Variants in PDE1C observed in about 807,000 individuals in gnomAD.
The protein encoded by PDE1C is dual specificity calcium/calmodulin-dependent 3',5'-cyclic nucleotide phosphodiesterase 1C.
In PDE1C, 62 loss-of-function variants were observed where a neutral mutation model predicts 93.1. The observed-to-expected ratio is 0.67, with a 90% CI of 0.54 to 0.82. PDE1C has a LOEUF of 0.82. Among genes scored for constraint, PDE1C ranks in the 40% least tolerant of loss-of-function variants. PDE1C has a pLI of 0.00. For synonymous variants in PDE1C, 325 were observed against 310.1 expected, an observed-to-expected ratio of 1.05 and a Z score of -0.50; for missense variants, 742 against 884.6, an observed-to-expected ratio of 0.84 and a Z score of 2.04.
intron 16 of PDE1C, among the ~76,000 whole-genome samples, chr7:31,793,048 T>G (rs1784766992): frequency 6.6e-6 from 1 of 152,064 alleles, no homozygotes; most frequent in South Asian, 2.1e-4. Flanking sequence ...AGAAATGTAT[T>G]TACTCTATAG....
the PDE1C span, among the ~76,000 whole-genome samples, chr7:31,634,265 T>C: frequency 6.6e-6 from 1 of 152,338 alleles, no homozygotes; most frequent in Non-Finnish European, 1.5e-5. Flanking sequence ...CTGAAAATGG[T>C]AATTTCTAAT....
intron 7 of PDE1C, among the ~76,000 whole-genome samples, chr7:31,854,800 C>T (rs1358948313): frequency 6.6e-6 from 1 of 152,124 alleles, no homozygotes; most frequent in Non-Finnish European, 1.5e-5. Flanking sequence ...GGCGAGGTGC[C>T]TCATGCTTAT....
intron 7 of PDE1C, among the ~76,000 whole-genome samples, chr7:31,852,971 G>A (rs1359788712): frequency 2.2e-5 from 3 of 135,088 alleles, no homozygotes; most frequent in Non-Finnish European, 4.6e-5. Flanking sequence ...CTAAGGTCAC[G>A]TAAAGTTAAT....
chr7:31,966,215 T>C (rs1809931385), intron 2 of PDE1C, among the ~76,000 whole-genome samples: 1 of 151,978 alleles, frequency 6.6e-6, no homozygotes, highest in African/African-American at 2.4e-5. Context: ...AGGAAACCCA[T>C]CTCACGTGCA....
intron 2 of PDE1C, among the ~76,000 whole-genome samples, chr7:31,933,850 C>G (rs1804666290): frequency 2.0e-5 from 3 of 152,184 alleles, no homozygotes; most frequent in Admixed American, 6.5e-5. Flanking sequence ...TGAGGCTTCA[C>G]CAGAAGCTAT....
chr7:31,683,453 G>T, the PDE1C span, among the ~76,000 whole-genome samples: 40 of 151,582 alleles, frequency 2.6e-4, no homozygotes, highest in South Asian at 8.4e-4. Flanking sequence ...GATAATAAAT[G>T]ACATCAGATT....
At chr7:31,681,420 T>C in the PDE1C span, among the ~76,000 whole-genome samples, 1 of 151,694 alleles carries the variant, frequency 6.6e-6, no homozygotes, top group African/African-American at 2.4e-5. Context: ...TGGATGAATA[T>C]GCTATTATTT....
chr7:31,875,791 A>G (rs1293310948), intron 5 of PDE1C, among the ~76,000 whole-genome samples: 2 of 88,804 alleles, frequency 2.3e-5, no homozygotes, highest in Admixed American at 2.6e-4. Context: ...AGAAGCTTAC[A>G]TCTATATATA....
At chr7:32,004,244 CA>C (rs1308884820) in intron 2 of PDE1C, among the ~76,000 whole-genome samples, 1 of 139,398 alleles carries the variant, frequency 7.2e-6, no homozygotes, top group African/African-American at 2.8e-5. Context: ...AAATGGCCCC[CA>C]AAAAACCTGA....
chr7:32,077,974 C>A, intron 3 of PDE1C: 1 of 985,388 alleles, frequency 1.0e-6, no homozygotes, highest in Non-Finnish European at 1.2e-6. Context: ...ACAGTGCAGG[C>A]CTCCTGACTT....
chr7:32,410,691 G>A (rs1473608540), intron 1 of PDE1C, among the ~76,000 whole-genome samples: 1 of 152,032 alleles, frequency 6.6e-6, no homozygotes, highest in East Asian at 1.9e-4. Context: ...AGAGAAGAGA[G>A]AGCTGAGAGC....
chr7:32,128,568 T>C (rs539667127), intron 3 of PDE1C, among the ~76,000 whole-genome samples: 64 of 152,054 alleles, frequency 4.2e-4, no homozygotes, highest in African/African-American at 1.5e-3. Context: ...TATTCAGTTA[T>C]AAAATGTAAA....
chr7:31,703,858 C>CTGCGA, the PDE1C span, among the ~76,000 whole-genome samples: 7 of 152,342 alleles, frequency 4.6e-5, no homozygotes, highest in South Asian at 1.4e-3. Context: ...CAGGTTCCAA[C>CTGCGA]TGCGAGCACA....
chr7:31,942,189 C>T (rs912684098), intron 2 of PDE1C, among the ~76,000 whole-genome samples: 4 of 152,058 alleles, frequency 2.6e-5, no homozygotes, highest in Non-Finnish European at 4.4e-5. Flanking sequence ...CCATAAGTTC[C>T]GGAGTTTGTG....
chr7:31,922,912 G>A (rs74714656), intron 2 of PDE1C, among the ~76,000 whole-genome samples: 3 of 152,132 alleles, frequency 2.0e-5, no homozygotes, highest in African/African-American at 7.2e-5. Context: ...TTGGGAAAGT[G>A]GATCTCCTCT....
At chr7:32,225,902 A>G (rs1807225020) in intron 1 of PDE1C, among the ~76,000 whole-genome samples, 1 of 152,066 alleles carries the variant, frequency 6.6e-6, no homozygotes, top group Non-Finnish European at 1.5e-5. Context: ...TACTAAAAAT[A>G]CAAAAATTAG....
At chr7:31,821,590 G>A (rs553812079) in intron 14 of PDE1C, among the ~76,000 whole-genome samples, 8 of 152,164 alleles carry the variant, frequency 5.3e-5, no homozygotes, top group South Asian at 4.2e-4. Context: ...CATTTGAATG[G>A]ACTAGGAGAG....
At chr7:32,090,795 G>T (rs773577049) in intron 3 of PDE1C, among the ~76,000 whole-genome samples, 12 of 152,136 alleles carry the variant, frequency 7.9e-5, no homozygotes, top group Non-Finnish European at 1.3e-4. Context: ...GACCCTCCTG[G>T]AGACCATCCA....
chr7:32,323,775 A>G (rs1363478334), intron 1 of PDE1C, among the ~76,000 whole-genome samples: 1 of 152,216 alleles, frequency 6.6e-6, no homozygotes. Flanking sequence ...GATGAAGCAG[A>G]AAGTCCAGAG....
Sources: allele counts gnomAD v4.1 joint callset (sites outside exome capture counted in the v4.1 genomes callset), GRCh38; gene constraint gnomAD v4.1.1; transcripts MANE v1.5; gene names NCBI Gene and HGNC (gene_info 2026-07-23, HGNC 2026-07-21).